The following SRP72 variants were observed in gnomAD, a reference collection of about 807,000 sequenced individuals.
SRP72 encodes signal recognition particle 72.
A neutral mutation model predicts 96.3 loss-of-function variants in SRP72; 49 were observed. The observed-to-expected ratio is 0.51, with a 90% confidence interval of 0.40 to 0.65. The LOEUF (loss-of-function observed/expected upper bound fraction) is 0.65, where lower values mean the gene tolerates loss of function less well. SRP72 is among the 30% of genes least tolerant of loss of function. SRP72 has a pLI of 0.00. For missense variants in SRP72, 736 were observed against 793.3 expected, an observed-to-expected ratio of 0.93 and a Z score of 0.87; for synonymous variants, 267 against 275.2, an observed-to-expected ratio of 0.97 and a Z score of 0.30.
At chr4:56,479,696 G>T (rs1242026894) in intron 8 of SRP72, among the ~76,000 whole-genome samples, 1 of 150,810 alleles carries the variant, frequency 6.6e-6, no homozygotes, top group Non-Finnish European at 1.5e-5. Context: ...GCCCAGGCTG[G>T]TCTTTAAACT....
chr4:56,483,147 T>C lies in SRP72; in HGVS notation c.834T>C (p.Asn278=). Residue 278 remains asparagine (N), a synonymous_variant, in exon 9 of 19, where the codon AAT becomes AAC. Transcript: ENST00000642900. ...NNIITINKDQ[N]VFDSKKKVKL... ...AAACTTTTCTTTGTTAGGACCAAAA[T>C]GTCTTTGACTCCAAGAAGAAAGTGA... 6.2e-7 allele frequency: 1 copy of C among 1,609,474 alleles called. No homozygotes were observed. The highest frequency in any genetic ancestry group is 8.5e-7 in the Non-Finnish European group (1 of 1,179,124).
intron 16 of SRP72, among the ~76,000 whole-genome samples, chr4:56,491,993 G>A (rs1720924142): frequency 6.6e-6 from 1 of 152,144 alleles, no homozygotes. Flanking sequence ...GAGTAGCTGG[G>A]ACTACAGGCT....
At chr4:56,494,123 T>C (rs950902799) in intron 16 of SRP72, among the ~76,000 whole-genome samples, 5 of 152,094 alleles carry the variant, frequency 3.3e-5, no homozygotes, top group Admixed American at 2.0e-4. Context: ...TTGGGAAATT[T>C]TAGTATGGCT....
At chr4:56,483,396 T>A in intron 9 of SRP72, 126 bp downstream of exon 9, 2 of 937,938 alleles carry the variant, frequency 2.1e-6, no homozygotes, top group Non-Finnish European at 3.1e-6. Context: ...ATAAATATAT[T>A]TTTTTGCCTT....
At chr4:56,496,582 C>T (rs957559994) in intron 17 of SRP72, among the ~76,000 whole-genome samples, 17 of 152,084 alleles carry the variant, frequency 1.1e-4, no homozygotes, top group African/African-American at 4.1e-4. Context: ...TTATAGTTTC[C>T]AGATGAATAT....
At chr4:56,497,215 TATTTA>T (rs1240688780) in intron 17 of SRP72, among the ~76,000 whole-genome samples, 1 of 149,902 alleles carries the variant, frequency 6.7e-6, no homozygotes, top group East Asian at 1.9e-4. Flanking sequence ...TATTTTATTT[TATTTA>T]TTTATTTTTT....
intron 17 of SRP72, among the ~76,000 whole-genome samples, chr4:56,497,277 T>C (rs1280480063): frequency 6.6e-6 from 1 of 151,432 alleles, no homozygotes; most frequent in Non-Finnish European, 1.5e-5. Context: ...TGGAGTGCAG[T>C]GGCGCTATCT....
At chr4:56,497,443 T>G (rs1449991223) in intron 17 of SRP72, among the ~76,000 whole-genome samples, 1 of 151,912 alleles carries the variant, frequency 6.6e-6, no homozygotes, top group African/African-American at 2.4e-5. Flanking sequence ...ATGGTCTCGA[T>G]CTCCTCACCT....
chr4:56,471,345 T>C (rs576781337), intron 2 of SRP72, among the ~76,000 whole-genome samples: 147 of 152,348 alleles, frequency 9.6e-4, no homozygotes, highest in African/African-American at 3.5e-3. Context: ...TAAAGAAATA[T>C]GGCTTATTGT....
chr4:56,469,848 C>G, intron 2 of SRP72, 75 bp downstream of exon 2: 1 of 1,338,754 alleles, frequency 7.5e-7, no homozygotes, highest in Non-Finnish European at 9.9e-7. Context: ...CATGTTTTTT[C>G]CCAACTATTT....
At chr4:56,491,860 T>G (rs1422367828) in intron 16 of SRP72, among the ~76,000 whole-genome samples, 4 of 152,126 alleles carry the variant, frequency 2.6e-5, no homozygotes, top group African/African-American at 9.6e-5. Context: ...ACTATTTTTT[T>G]TTTATTTGTT....
intron 18 of SRP72, among the ~76,000 whole-genome samples, chr4:56,500,988 A>G (rs1177936584): frequency 1.3e-5 from 2 of 152,228 alleles, no homozygotes; most frequent in South Asian, 2.1e-4. Flanking sequence ...TCTCAAGGCA[A>G]CTAAATACAC....
intron 17 of SRP72, among the ~76,000 whole-genome samples, chr4:56,498,946 A>G (rs542299914): frequency 6.6e-6 from 1 of 152,306 alleles, no homozygotes; most frequent in African/African-American, 2.4e-5. Context: ...CCAAAAAAGA[A>G]CCCATATAGC....
In SRP72 at chr4:56,482,219, A is replaced by G. The variant is rs141095849; in HGVS notation, c.826-920A>G. On this transcript the variant is annotated intron_variant, in intron 8 of 18. Coordinates refer to ENST00000642900, the MANE Select transcript of SRP72 (RefSeq NM_006947.4). ...GACTTTGGGAGGCCTAGGTGGGCGAATCACGAGGTCAGAAGATCGAGACCA... is the reference window on the plus strand; with the variant it reads ...GACTTTGGGAGGCCTAGGTGGGCGAGTCACGAGGTCAGAAGATCGAGACCA... 7.1e-3 allele frequency among the ~76,000 whole-genome samples: 1,077 copies of G among 151,306 alleles called. 19 individuals are homozygous for G. Among genetic ancestry groups the G allele is most frequent in the African/African-American group, 0.025 (1,029 of 41,268 alleles).
At chr4:56,484,587 G>T (rs1190605148) in intron 9 of SRP72, 149 bp from the exon 10 acceptor site, 2 of 978,584 alleles carry the variant, frequency 2.0e-6, no homozygotes, top group Non-Finnish European at 3.0e-6. Context: ...ATTGAGAATA[G>T]ATACTGTAAA....
chr4:56,501,278 C>A (rs138079820), intron 18 of SRP72, among the ~76,000 whole-genome samples: 34 of 151,898 alleles, frequency 2.2e-4, no homozygotes, highest in African/African-American at 7.7e-4. Flanking sequence ...TGTGGTAGTG[C>A]GCACCTGTAA....
At chr4:56,488,269 G>GT (rs1366779909) in intron 12 of SRP72, among the ~76,000 whole-genome samples, 2 of 152,156 alleles carry the variant, frequency 1.3e-5, no homozygotes, top group African/African-American at 4.8e-5. Flanking sequence ...TCTCAGATCT[G>GT]TATAGGAATT....
Position 56,467,763 on chromosome 4 carries a change from A to C in SRP72, c.109+19A>C, listed in dbSNP as rs767390532. The C allele has an allele frequency of 1.1e-5, 15 of 1,356,998 alleles. No individual in the cohort carries two copies. The highest frequency in any genetic ancestry group is 1.4e-5 in the South Asian group (1 of 70,006). 84.1% of individuals were successfully genotyped at this position (1,356,998 alleles called of 1,614,324 possible). A position where few individuals can be genotyped will look rare whatever the true frequency, so the allele number is the denominator to read the frequency against. ...AATAAGAGTAAGTGTCGGGGTGGGC[A>C]CTGGGGCGGGCCCAGGCCGGCTGGA... On this transcript the variant is annotated intron_variant, in intron 1 of 18. Transcript: ENST00000642900.
chr4:56,494,325 T>C (rs543943722), intron 16 of SRP72, among the ~76,000 whole-genome samples: 3 of 152,314 alleles, frequency 2.0e-5, no homozygotes, highest in African/African-American at 7.2e-5. Flanking sequence ...CACTGTTTCA[T>C]ATTTCTCGAG....
Sources: gnomAD v4.1 joint callset for allele counts (sites outside exome capture counted in the v4.1 genomes callset) on GRCh38, gnomAD v4.1.1 for gene constraint, MANE v1.5 for transcripts, NCBI Gene and HGNC (gene_info 2026-07-23, HGNC 2026-07-21) for gene names.